The following GNA14 variants were observed in gnomAD, a reference collection of about 807,000 sequenced individuals.
The protein encoded by GNA14 is guanine nucleotide-binding protein subunit alpha-14.
A neutral mutation model predicts 42.0 loss-of-function variants in GNA14; 50 were observed. The observed-to-expected ratio is 1.19, with a 90% CI of 0.95 to 1.51. GNA14 has a LOEUF of 1.51. Among genes scored for constraint, GNA14 ranks in the 40% most tolerant of loss-of-function variants. The pLI, the probability that GNA14 is intolerant of heterozygous loss-of-function variation, is 0.00. For synonymous variants in GNA14, 173 were observed against 163.1 expected (o/e 1.06, Z -0.46); for missense variants, 473 against 446.2 (o/e 1.06, Z -0.54).
chr9:77,541,768 C>A (rs1587823868), intron 1 of GNA14, among the ~76,000 whole-genome samples: 1 of 152,148 alleles, frequency 6.6e-6, no homozygotes, highest in Non-Finnish European at 1.5e-5. Context: ...GATTTGATTA[C>A]ATTAAAAGAT....
intron 2 of GNA14, 119 bp from the exon 3 acceptor site, chr9:77,434,641 C>T (rs1210522157): frequency 3.4e-5 from 28 of 831,030 alleles, no homozygotes; most frequent in East Asian, 2.9e-4. Flanking sequence ...AGGCATGGGG[C>T]GTGGTGGGCA....
chr9:77,479,687 G>C (rs971714370), intron 2 of GNA14, among the ~76,000 whole-genome samples: 1 of 152,178 alleles, frequency 6.6e-6, no homozygotes, highest in Non-Finnish European at 1.5e-5. Flanking sequence ...CATGAACATG[G>C]AATGTTCTTC....
intron 1 of GNA14, among the ~76,000 whole-genome samples, chr9:77,565,924 G>A (rs1822960661): frequency 6.6e-6 from 1 of 152,130 alleles, no homozygotes; most frequent in African/African-American, 2.4e-5. Context: ...CTATACATCA[G>A]TTGTTCTCAA....
At position 77,536,352 on chromosome 9, in the gene GNA14, T is replaced by TTG. The variant is rs1554696225; in HGVS notation, c.125-7101_125-7100dup. ...TTGTATTATTTTTGTTAGGTTTTTT[T>TTG]TGTGTGTGTGTGAGAGAGACAAGAG... On this transcript the variant is annotated intron_variant, in intron 1 of 6. Coordinates refer to ENST00000341700, the MANE Select transcript of GNA14 (RefSeq NM_004297.4). Among the ~76,000 whole-genome samples the TTG allele has an allele frequency of 2.0e-4, 30 of 152,168 alleles. No homozygotes were observed. The East Asian group carries it at 5.6e-3, about 28-fold the overall frequency.
At chr9:77,490,379 GCT>G (rs1346092192) in intron 2 of GNA14, among the ~76,000 whole-genome samples, 2 of 152,240 alleles carry the variant, frequency 1.3e-5, no homozygotes, top group Non-Finnish European at 1.5e-5. Context: ...CGTGCCATGC[GCT>G]CGCACTCCTC....
chr9:77,620,566 T>A (rs1021566335), intron 1 of GNA14, among the ~76,000 whole-genome samples: 1 of 152,172 alleles, frequency 6.6e-6, no homozygotes, highest in African/African-American at 2.4e-5. Context: ...AACAAATCCA[T>A]TGCTGGGCGT....
intron 2 of GNA14, among the ~76,000 whole-genome samples, chr9:77,438,928 T>C (rs974323184): frequency 1.3e-5 from 2 of 152,216 alleles, no homozygotes; most frequent in South Asian, 2.1e-4. Flanking sequence ...ACAACATTAT[T>C]ATTCATTATT....
intron 5 of GNA14, among the ~76,000 whole-genome samples, chr9:77,428,030 A>G (rs1469278453): frequency 1.3e-5 from 2 of 151,160 alleles, no homozygotes; most frequent in African/African-American, 4.9e-5. Context: ...AACCCAGTAA[A>G]TATGAATTTT....
At position 77,431,321 on chromosome 9, in the gene GNA14, C is replaced by T. The variant is rs1373735299; in HGVS notation, c.593G>A (p.Arg198Gln). 2.4e-5 allele frequency: 38 copies of T among 1,613,038 alleles called. No individual in the cohort carries two copies. The highest frequency in any genetic ancestry group is 6.7e-5 in the East Asian group (3 of 44,874). The change falls in exon 4 of 7, where the codon CGG (arginine) becomes CAG (glutamine). Residue 198 changes from arginine to glutamine, a missense_variant and splice_region_variant. Physicochemically the swap from Arg to Gln is conservative, Grantham distance 43. Coordinates refer to ENST00000341700, the MANE Select transcript of GNA14 (RefSeq NM_004297.4). ...YPFDLENIIF[R>Q]MVDVGGQRSE... ...TGGTACATCAGGGAGACAGACTTAC[C>T]GAAAGATGATGTTTTCCAAGTCAAA...
At chr9:77,579,174 C>T (rs1163379764) in intron 1 of GNA14, among the ~76,000 whole-genome samples, 1 of 152,174 alleles carries the variant, frequency 6.6e-6, no homozygotes, top group Non-Finnish European at 1.5e-5. Flanking sequence ...ATGTGACTGG[C>T]CCTCAGGCAC....
chr9:77,430,156 A>G (rs908139510), intron 4 of GNA14, among the ~76,000 whole-genome samples: 1 of 152,242 alleles, frequency 6.6e-6, no homozygotes, highest in Non-Finnish European at 1.5e-5. Flanking sequence ...GCAATTGTCA[A>G]AAGGTTGAGC....
At chr9:77,606,388 T>C (rs932134413) in intron 1 of GNA14, among the ~76,000 whole-genome samples, 2 of 152,022 alleles carry the variant, frequency 1.3e-5, no homozygotes, top group Admixed American at 6.6e-5. Flanking sequence ...ATTAAGTTGG[T>C]TGTTATTTTT....
At chr9:77,558,430 C>T (rs1822825043) in intron 1 of GNA14, among the ~76,000 whole-genome samples, 1 of 152,098 alleles carries the variant, frequency 6.6e-6, no homozygotes, top group Admixed American at 6.6e-5. Context: ...TAATAATATA[C>T]ATACATTTTT....
intron 1 of GNA14, among the ~76,000 whole-genome samples, chr9:77,600,351 A>G (rs1030682164): frequency 6.6e-6 from 1 of 152,194 alleles, no homozygotes; most frequent in Admixed American, 6.5e-5. Context: ...TTCATCAGTA[A>G]AGACAATTTT....
chr9:77,494,363 G>T (rs1836835365), intron 2 of GNA14, among the ~76,000 whole-genome samples: 1 of 152,024 alleles, frequency 6.6e-6, no homozygotes, highest in African/African-American at 2.4e-5. Context: ...TTCACTTAAT[G>T]GTTATTAGAG....
intron 1 of GNA14, among the ~76,000 whole-genome samples, chr9:77,582,485 T>C (rs1823241036): frequency 6.6e-6 from 1 of 152,228 alleles, no homozygotes; most frequent in South Asian, 2.1e-4. Flanking sequence ...TCCCCTGAGA[T>C]CTTGTCCATT....
intron 1 of GNA14, among the ~76,000 whole-genome samples, chr9:77,602,700 T>C (rs1442257243): frequency 6.6e-6 from 1 of 152,168 alleles, no homozygotes; most frequent in Non-Finnish European, 1.5e-5. Flanking sequence ...TTTGTATTAA[T>C]GGTTTTGTTT....
chr9:77,607,168 T>C (rs1823655617), intron 1 of GNA14, among the ~76,000 whole-genome samples: 1 of 152,164 alleles, frequency 6.6e-6, no homozygotes, highest in Non-Finnish European at 1.5e-5. Context: ...CACAAAATGA[T>C]TGGAGATTTT....
chr9:77,426,393 C>G (rs934759076), intron 5 of GNA14, among the ~76,000 whole-genome samples: 5 of 152,102 alleles, frequency 3.3e-5, no homozygotes, highest in Admixed American at 1.3e-4. Flanking sequence ...CAACCTCCAG[C>G]TCCTGCATTC....
Sources: allele counts gnomAD v4.1 joint callset (sites outside exome capture counted in the v4.1 genomes callset), GRCh38; gene constraint gnomAD v4.1.1; transcripts MANE v1.5; gene names NCBI Gene and HGNC (gene_info 2026-07-23, HGNC 2026-07-21).